CLASP2: variants seen among roughly 807,000 people sequenced by gnomAD.
CLASP2 encodes cytoplasmic linker associated protein 2.
In CLASP2, 47 loss-of-function variants were observed where a neutral mutation model predicts 194.4. That is an observed-to-expected ratio of 0.24 (90% CI 0.19 to 0.31). The LOEUF (loss-of-function observed/expected upper bound fraction) is 0.31. Among genes scored for constraint, CLASP2 ranks in the 10% least tolerant of loss-of-function variants. The probability of loss-of-function intolerance (pLI) is 1.00; values close to 1 mark genes in which losing one functional copy is unlikely to be tolerated. For missense variants in CLASP2, 1,445 were observed against 1,823.6 expected (o/e 0.79, Z 3.78); for synonymous variants, 619 against 633.5 (o/e 0.98, Z 0.34).
chr3:33,685,342 C>CAAAAAAAA lies in CLASP2; in HGVS notation c.547-894_547-887dup, dbSNP rs56240569. 8.3e-4 allele frequency among the ~76,000 whole-genome samples: 40 copies of CAAAAAAAA among 48,122 alleles called. 2 individuals carry two copies. Among genetic ancestry groups the CAAAAAAAA allele is most frequent in the East Asian group, 1.5e-3 (2 of 1,378 alleles). The allele number at this position is 48,122 out of a possible 152,430, so 31.6% of individuals were successfully genotyped here. ...GGGCAACAAGAGCGAAACTCCGTCT[C>CAAAAAAAA]AAAAAAAAAAAAAAAAAAAAAAAAA... On this transcript the variant is annotated intron_variant, in intron 5 of 38. Transcript: ENST00000682230.
intron 34 of CLASP2, among the ~76,000 whole-genome samples, chr3:33,522,307 G>A (rs1168006823): frequency 6.7e-6 from 1 of 148,882 alleles, no homozygotes; most frequent in Non-Finnish European, 1.5e-5. Context: ...CCCAGAAAAA[G>A]GTACAGGCTC....
At chr3:33,659,431 T>C in intron 7 of CLASP2, 1 of 997,624 alleles carries the variant, frequency 1.0e-6, no homozygotes, top group Non-Finnish European at 1.2e-6. Flanking sequence ...ATCCATGTAA[T>C]CAGTAGCAAT....
At chr3:33,516,913 A>C in intron 35 of CLASP2, 68 bp downstream of exon 35, 2 of 1,318,632 alleles carry the variant, frequency 1.5e-6, no homozygotes, top group Non-Finnish European at 2.1e-6. Context: ...TCCGTGTAGC[A>C]TTAGATTAAC....
chr3:33,546,708 T>C (rs1320303630), intron 30 of CLASP2, among the ~76,000 whole-genome samples: 1 of 152,206 alleles, frequency 6.6e-6, no homozygotes, highest in Non-Finnish European at 1.5e-5. Flanking sequence ...CAACATCAGC[T>C]CTACCTTTCT....
At chr3:33,516,934 A>G in intron 35 of CLASP2, 47 bp downstream of exon 35, 1 of 1,502,780 alleles carries the variant, frequency 6.7e-7, no homozygotes, top group Non-Finnish European at 9.2e-7. Context: ...AGGCAATGTA[A>G]AAGAGACAGG....
At chr3:33,596,932 A>G (rs955428115) in intron 18 of CLASP2, among the ~76,000 whole-genome samples, 198 bp from the exon 19 acceptor site, 5 of 152,232 alleles carry the variant, frequency 3.3e-5, no homozygotes, top group Non-Finnish European at 7.3e-5. Context: ...TGTACTAAGT[A>G]GAGAATTTTT....
intron 13 of CLASP2, among the ~76,000 whole-genome samples, chr3:33,610,652 T>C (rs1207613458): frequency 6.6e-6 from 1 of 152,232 alleles, no homozygotes; most frequent in Non-Finnish European, 1.5e-5. Flanking sequence ...GTGGACCACA[T>C]ACAGTCTCTG....
At chr3:33,599,104 CTTAT>C (rs10556405) in intron 18 of CLASP2, among the ~76,000 whole-genome samples, 59,080 of 150,238 alleles carry the variant, frequency 0.39, 13,930 homozygotes, top group African/African-American at 0.65. Context: ...TTGTTGTTGT[CTTAT>C]TTATTTATTT....
intron 6 of CLASP2, among the ~76,000 whole-genome samples, chr3:33,672,105 G>C (rs560929739): frequency 5.9e-5 from 9 of 152,058 alleles, no homozygotes; most frequent in South Asian, 2.1e-4. Flanking sequence ...TCTCCCAGCA[G>C]GCAGCTGGAG....
At chr3:33,500,152 C>T (rs1015282961) in intron 38 of CLASP2, among the ~76,000 whole-genome samples, 5 of 152,078 alleles carry the variant, frequency 3.3e-5, no homozygotes, top group African/African-American at 1.2e-4. Context: ...TTCACCTCAG[C>T]CTCCCAAGTA....
intron 9 of CLASP2, among the ~76,000 whole-genome samples, chr3:33,629,374 T>C (rs1262917462): frequency 6.6e-6 from 1 of 152,070 alleles, no homozygotes; most frequent in Non-Finnish European, 1.5e-5. Flanking sequence ...TGCTGGCCCT[T>C]GAAGAAGGAC....
intron 30 of CLASP2, among the ~76,000 whole-genome samples, chr3:33,549,964 T>C (rs2059738150): frequency 6.6e-6 from 1 of 152,098 alleles, no homozygotes; most frequent in Non-Finnish European, 1.5e-5. Flanking sequence ...CTCAAGCTCC[T>C]GAGCTCAGAC....
intron 13 of CLASP2, among the ~76,000 whole-genome samples, chr3:33,611,554 G>A (rs1371993071): frequency 1.3e-5 from 2 of 152,140 alleles, no homozygotes; most frequent in African/African-American, 2.4e-5. Flanking sequence ...TATATACTCC[G>A]TTCCAAACAC....
intron 34 of CLASP2, among the ~76,000 whole-genome samples, chr3:33,534,734 C>T (rs965605031): frequency 2.0e-5 from 3 of 152,174 alleles, no homozygotes; most frequent in African/African-American, 7.2e-5. Context: ...CCAGGCTATG[C>T]AGCTTAGTAA....
intron 21 of CLASP2, among the ~76,000 whole-genome samples, chr3:33,590,838 T>A (rs1191217338): frequency 6.6e-6 from 1 of 152,198 alleles, no homozygotes; most frequent in Non-Finnish European, 1.5e-5. Flanking sequence ...CATATCCTAA[T>A]AAATCACCTA....
Position 33,545,425 on chromosome 3 carries a change from C to T in CLASP2, c.3154-584G>A, listed in dbSNP as rs115926391. 5.0e-3 allele frequency among the ~76,000 whole-genome samples: 764 copies of T among 152,196 alleles called. 3 individuals carry two copies. Among genetic ancestry groups the T allele is most frequent in the Middle Eastern group, 0.024 (7 of 294 alleles). The stretch of plus-strand genomic sequence containing the variant: ...CATTTATGATCACATGACTTGTATC[C>T]AAATCTGCACACTTCATTTTGGACT... On this transcript the variant is annotated intron_variant, in intron 30 of 38. Transcript: ENST00000682230.
In CLASP2 at chr3:33,573,171, A is replaced by G; in HGVS notation, c.2638T>C (p.Ser880Pro). 1 of 1,613,804 alleles carries G rather than the reference A, an allele frequency of 6.2e-7. No individual in the cohort carries two copies. ...VLNRCASSNW[S>P]ERKEGLLGLQ... ...CCTAGGAGGCCTTCTTTCCTTTCTG[A>G]CCAATTGGAACTAGCACATCTATTG... Residue 880 changes from serine to proline, a missense_variant, in exon 25 of 39, where the codon TCA becomes CCA. Physicochemically the swap from Ser to Pro is moderately conservative, Grantham distance 74. Coordinates refer to ENST00000682230, the MANE Select transcript of CLASP2 (RefSeq NM_001365631.1).
At chr3:33,501,962 G>A (rs1285907747) in intron 37 of CLASP2, 194 bp from the exon 38 acceptor site, 12 of 531,972 alleles carry the variant, frequency 2.3e-5, no homozygotes, top group Non-Finnish European at 3.7e-5. Flanking sequence ...CCCCTACTGC[G>A]CCCTCACTGT....
chr3:33,551,709 C>T (rs968688760), intron 29 of CLASP2, among the ~76,000 whole-genome samples: 3 of 152,112 alleles, frequency 2.0e-5, no homozygotes, highest in Non-Finnish European at 2.9e-5. Flanking sequence ...ATCAGAACTT[C>T]GAGGTCCCAG....
Sources: allele counts gnomAD v4.1 joint callset (sites outside exome capture counted in the v4.1 genomes callset), GRCh38; gene constraint gnomAD v4.1.1; transcripts MANE v1.5; gene names NCBI Gene and HGNC (gene_info 2026-07-23, HGNC 2026-07-21).